Variants in VCPIP1 observed in about 807,000 individuals in gnomAD.
The protein encoded by VCPIP1 is deubiquitinating protein VCPIP1.
In VCPIP1, 8 loss-of-function variants were observed where a neutral mutation model predicts 85.0. That is an observed-to-expected ratio of 0.09 (90% CI 0.06 to 0.17). The LOEUF (loss-of-function observed/expected upper bound fraction) is 0.17, where lower values mean the gene tolerates loss of function less well. Ranked by LOEUF, VCPIP1 falls within the 10% of genes least tolerant of loss-of-function variation. The pLI, the probability that VCPIP1 is intolerant of heterozygous loss-of-function variation, is 1.00. For missense variants in VCPIP1, 1,070 were observed against 1,486.3 expected (o/e 0.72, Z 4.61); for synonymous variants, 543 against 544.5 (o/e 1.00, Z 0.04).
At chr8:66,643,639 G>A (rs554956148) in intron 2 of VCPIP1, among the ~76,000 whole-genome samples, 83 of 151,952 alleles carry the variant, frequency 5.5e-4, no homozygotes, top group Admixed American at 2.8e-3. Flanking sequence ...GGAGGCGGAG[G>A]TTGCAGTAAG....
intron 2 of VCPIP1, among the ~76,000 whole-genome samples, chr8:66,642,554 T>C (rs1296785242): frequency 7.9e-5 from 12 of 152,214 alleles, no homozygotes; most frequent in Non-Finnish European, 1.5e-5. Context: ...CAGGTAAACT[T>C]AGGTCTTTGA....
chr8:66,637,440 T>C (rs1810899170), intron 2 of VCPIP1, among the ~76,000 whole-genome samples: 1 of 146,432 alleles, frequency 6.8e-6, no homozygotes. Flanking sequence ...ACACCTGTAA[T>C]CCCAGCACTT....
intron 2 of VCPIP1, among the ~76,000 whole-genome samples, chr8:66,636,871 G>A (rs907562644): frequency 3.4e-4 from 52 of 151,814 alleles, no homozygotes; most frequent in Non-Finnish European, 5.4e-4. Flanking sequence ...AAAAAATTTA[G>A]ATAGGAAGCT....
chr8:66,644,935 CA>C (rs1389703848), intron 2 of VCPIP1, among the ~76,000 whole-genome samples: 1 of 151,332 alleles, frequency 6.6e-6, no homozygotes, highest in Non-Finnish European at 1.5e-5. Flanking sequence ...CCCGTCTCTA[CA>C]AAAAATACAA....
intron 1 of VCPIP1, among the ~76,000 whole-genome samples, chr8:66,657,467 C>G (rs543049109): frequency 2.0e-5 from 3 of 152,242 alleles, no homozygotes; most frequent in East Asian, 1.9e-4. Context: ...GTAATCCTCA[C>G]GTTTAAAAGT....
chr8:66,654,304 C>T (rs1811079611), intron 1 of VCPIP1, among the ~76,000 whole-genome samples: 2 of 152,178 alleles, frequency 1.3e-5, no homozygotes, highest in South Asian at 2.1e-4. Flanking sequence ...GGTGAAACTC[C>T]GTCTCTACTA....
At chr8:66,645,665 T>C (rs1810987966) in intron 2 of VCPIP1, among the ~76,000 whole-genome samples, 1 of 149,064 alleles carries the variant, frequency 6.7e-6, no homozygotes, top group Admixed American at 6.8e-5. Context: ...CTCACGCCTG[T>C]ATCTCAGAAC....
chr8:66,628,926 A>G lies in VCPIP1; in HGVS notation c.*5575T>C, dbSNP rs1328652668. The G allele has an allele frequency of 6.6e-6, 1 of 152,236 alleles. No individual in the cohort carries two copies. Among genetic ancestry groups the G allele is most frequent in the African/African-American group, 2.4e-5 (1 of 41,464 alleles). The allele number at this position is 152,236 out of a possible 1,614,324, so 9.4% of individuals were successfully genotyped here. The stretch of plus-strand genomic sequence containing the variant: ...AGACTTGCCTTGGGTCACAGAGCAC[A>G]CTGTCGGTTTGAGATTCTCAGTGTT... On this transcript the variant is annotated 3_prime_UTR_variant, in exon 3 of 3. Coordinates refer to ENST00000310421, the MANE Select transcript of VCPIP1 (RefSeq NM_025054.5).
At chr8:66,662,681 C>CATTT (rs1197196309) in intron 1 of VCPIP1, among the ~76,000 whole-genome samples, 13 of 151,602 alleles carry the variant, frequency 8.6e-5, no homozygotes, top group Admixed American at 1.3e-4. Context: ...TTTACTTATT[C>CATTT]ATTTATTTAT....
At chr8:66,652,501 C>A (rs1276931440) in intron 1 of VCPIP1, among the ~76,000 whole-genome samples, 1 of 151,914 alleles carries the variant, frequency 6.6e-6, no homozygotes, top group African/African-American at 2.4e-5. Flanking sequence ...GTAGTTCCAG[C>A]TACTTGGAAG....
rs1810822812 is a variant in VCPIP1 at position 66,630,419 on chromosome 8, G to A, written c.*4082C>T. On this transcript the variant is annotated 3_prime_UTR_variant, in exon 3 of 3. Transcript: ENST00000310421. Reference sequence around the variant, plus strand: ...CACTAATTCTTAGTCAAATAAGCCTGAAAATACTGGCAACCTTTTCAGTCT... The same window carrying A: ...CACTAATTCTTAGTCAAATAAGCCTAAAAATACTGGCAACCTTTTCAGTCT... 1 of 152,588 alleles carries A rather than the reference G, an allele frequency of 6.6e-6. No homozygotes were observed. The highest frequency in any genetic ancestry group is 2.4e-5 in the African/African-American group (1 of 41,438). 9.5% of individuals were successfully genotyped at this position (152,588 alleles called of 1,614,324 possible).
rs1301014250 is a variant in VCPIP1, at chr8:66,665,164, C to T, written c.1795G>A (p.Gly599Ser). ...PEAFPITLEW[G>S]GRVVRETVYW... is the part of the protein sequence containing the mutation. Reference sequence around the variant, plus strand: ...ACTGTTTCTCTGACCACTCTTCCACCCCATTCTAAAGTAATAGGGAAAGCT... The same window carrying T: ...ACTGTTTCTCTGACCACTCTTCCACTCCATTCTAAAGTAATAGGGAAAGCT... Residue 599 changes from glycine to serine, a missense_variant, in exon 1 of 3, where the codon GGT (glycine) becomes AGT (serine). Transcript: ENST00000310421. The surrounding 1 kb of genome is among the most constrained non-coding windows in gnomAD (Gnocchi z 4.3). 3.1e-6 allele frequency: 5 copies of T among 1,611,906 alleles called. No homozygotes were observed. The highest frequency in any genetic ancestry group is 4.2e-6 in the Non-Finnish European group (5 of 1,178,612).
chr8:66,662,833 C>T (rs1018822823), intron 1 of VCPIP1, among the ~76,000 whole-genome samples: 2 of 151,880 alleles, frequency 1.3e-5, no homozygotes, highest in Non-Finnish European at 2.9e-5. Flanking sequence ...AGTCACAGGC[C>T]ACCTAGGATT....
intron 2 of VCPIP1, among the ~76,000 whole-genome samples, chr8:66,646,752 C>T (rs559297337): frequency 2.0e-5 from 3 of 151,770 alleles, no homozygotes; most frequent in Non-Finnish European, 2.9e-5. Flanking sequence ...GACCCAAGAT[C>T]GTGCACTCCA....
Position 66,666,959 on chromosome 8 carries a change from A to T in VCPIP1, c.-1T>A. 6.4e-7 allele frequency: 1 copy of T among 1,560,286 alleles called. No homozygotes were observed. The highest frequency in any genetic ancestry group is 1.2e-5 in the South Asian group (1 of 84,910). ...GCGGCGGCGGCGGCGGCTGAGACAT[A>T]GCTCCTGGCTCTCGTGTCTCGCTCC... is the stretch of plus-strand genomic sequence containing the variant. On this transcript the variant is annotated 5_prime_UTR_variant, in exon 1 of 3. Transcript: ENST00000310421. This position sits in a 1 kb window ranked among gnomAD's most constrained non-coding sequence, Gnocchi z 6.3.
intron 2 of VCPIP1, among the ~76,000 whole-genome samples, chr8:66,635,937 T>C (rs1200259023): frequency 7.8e-6 from 1 of 128,442 alleles, no homozygotes. Flanking sequence ...AAAAAAAGAA[T>C]GGAGCTTGAG....
At chr8:66,640,622 AGCAGACTG>A in intron 2 of VCPIP1, among the ~76,000 whole-genome samples, 1 of 152,354 alleles carries the variant, frequency 6.6e-6, no homozygotes, top group African/African-American at 2.4e-5. Context: ...CAGGCAGACC[AGCAGACTG>A]GCAGAGTGGC....
At chr8:66,661,628 C>G (rs909660652) in intron 1 of VCPIP1, among the ~76,000 whole-genome samples, 1 of 151,504 alleles carries the variant, frequency 6.6e-6, no homozygotes, top group Non-Finnish European at 1.5e-5. Context: ...CCCAGCTACT[C>G]AGGAGGCTGA....
intron 2 of VCPIP1, among the ~76,000 whole-genome samples, 200 bp from the exon 3 acceptor site, chr8:66,635,572 C>A (rs893558271): frequency 6.6e-6 from 1 of 152,120 alleles, no homozygotes; most frequent in African/African-American, 2.4e-5. Context: ...CCCAGAGAAT[C>A]TTTTTTAAAA....
Sources: allele counts gnomAD v4.1 joint callset (sites outside exome capture counted in the v4.1 genomes callset), GRCh38; gene constraint gnomAD v4.1.1; non-coding constraint Gnocchi (gnomAD v3.1); transcripts MANE v1.5; gene names NCBI Gene and HGNC (gene_info 2026-07-23, HGNC 2026-07-21).